The following AFF3 variants were observed in gnomAD, a reference collection of about 807,000 sequenced individuals.
The protein encoded by AFF3 is ALF transcription elongation factor 3.
Under a neutral mutation model 129.7 loss-of-function variants are expected in AFF3, and 32 were observed. The observed-to-expected ratio is 0.25, with a 90% CI of 0.19 to 0.33. The LOEUF (loss-of-function observed/expected upper bound fraction) is 0.33, where lower values mean the gene tolerates loss of function less well. Ranked by LOEUF, AFF3 falls within the 10% of genes least tolerant of loss-of-function variation. The pLI, the probability that AFF3 is intolerant of heterozygous loss-of-function variation, is 1.00. For missense variants in AFF3, 1,373 were observed against 1,592.0 expected (o/e 0.86, Z 2.34); for synonymous variants, 644 against 635.4 (o/e 1.01, Z -0.20).
chr2:99,658,198 G>A (rs558808478), intron 12 of AFF3, among the ~76,000 whole-genome samples: 2 of 152,308 alleles, frequency 1.3e-5, no homozygotes, highest in East Asian at 3.9e-4. Flanking sequence ...AGGCTCTATG[G>A]AGGGCATAGA....
At chr2:99,696,814 T>A (rs908445164) in intron 11 of AFF3, among the ~76,000 whole-genome samples, 2 of 152,098 alleles carry the variant, frequency 1.3e-5, no homozygotes, top group African/African-American at 4.8e-5. Context: ...CAGCTAATTT[T>A]AAAATTTTTT....
intron 7 of AFF3, among the ~76,000 whole-genome samples, chr2:99,844,387 G>A (rs148283784): frequency 4.7e-5 from 7 of 147,758 alleles, no homozygotes; most frequent in Non-Finnish European, 1.0e-4. Context: ...TAACCAATGC[G>A]TAATTTCTCC....
chr2:99,667,299 G>A (rs1421660775), intron 12 of AFF3, among the ~76,000 whole-genome samples: 2 of 152,164 alleles, frequency 1.3e-5, no homozygotes, highest in Non-Finnish European at 2.9e-5. Flanking sequence ...ATGAGTCAAA[G>A]AAGTCTTACT....
chr2:99,558,767 GGT>G (rs1359426818), intron 22 of AFF3, 106 bp downstream of exon 22: 1 of 1,048,468 alleles, frequency 9.5e-7, no homozygotes, highest in African/African-American at 1.6e-5. Flanking sequence ...GGGGACCAGA[GGT>G]GACCTGCATT....
intron 7 of AFF3, among the ~76,000 whole-genome samples, chr2:99,980,981 T>C (rs564880624): frequency 7.2e-5 from 11 of 152,334 alleles, no homozygotes; most frequent in Admixed American, 5.9e-4. Context: ...AAAATTTTCT[T>C]ATGACATTAA....
intron 8 of AFF3, among the ~76,000 whole-genome samples, chr2:99,776,295 TA>T (rs557427295): frequency 2.0e-5 from 3 of 151,836 alleles, no homozygotes; most frequent in Non-Finnish European, 4.4e-5. Context: ...CACAGAAGAG[TA>T]GGGGTCAGTT....
chr2:99,992,428 G>A (rs558362270), intron 7 of AFF3, among the ~76,000 whole-genome samples: 217 of 152,234 alleles, frequency 1.4e-3, no homozygotes, highest in Admixed American at 5.4e-3. Context: ...ATCCAAAGAC[G>A]TTTTCATATC....
chr2:99,606,892 C>T (rs995325400), intron 13 of AFF3, among the ~76,000 whole-genome samples: 17 of 116,420 alleles, frequency 1.5e-4, no homozygotes, highest in South Asian at 2.8e-4. Flanking sequence ...CCAGCCTGGG[C>T]GACAGAGCAA....
intron 8 of AFF3, among the ~76,000 whole-genome samples, chr2:99,768,723 T>C (rs1376431981): frequency 2.0e-5 from 3 of 152,224 alleles, no homozygotes; most frequent in Non-Finnish European, 4.4e-5. Flanking sequence ...CTTAGAAAGT[T>C]TTAATTTCTT....
intron 4 of AFF3, among the ~76,000 whole-genome samples, chr2:100,025,424 C>T (rs1178600574): frequency 6.6e-6 from 1 of 152,140 alleles, no homozygotes; most frequent in Non-Finnish European, 1.5e-5. Context: ...GGAAACACAT[C>T]CCATGCTCAT....
intron 7 of AFF3, among the ~76,000 whole-genome samples, chr2:99,867,494 T>C (rs1421745023): frequency 6.7e-6 from 1 of 150,210 alleles, no homozygotes; most frequent in East Asian, 2.0e-4. Flanking sequence ...AGGAATAACT[T>C]CCTAGTATCA....
At chr2:99,833,142 G>A (rs1042580738) in intron 8 of AFF3, among the ~76,000 whole-genome samples, 2 of 152,128 alleles carry the variant, frequency 1.3e-5, no homozygotes, top group African/African-American at 2.4e-5. Flanking sequence ...CCCACCATCC[G>A]GGGTCTGTAC....
At chr2:99,990,991 C>T (rs1315135611) in intron 7 of AFF3, among the ~76,000 whole-genome samples, 2 of 152,056 alleles carry the variant, frequency 1.3e-5, no homozygotes, top group East Asian at 1.9e-4. Context: ...GTGGTGTGTA[C>T]CAGAACCACA....
intron 14 of AFF3, among the ~76,000 whole-genome samples, chr2:99,599,533 G>C (rs1047406008): frequency 4.6e-5 from 7 of 152,206 alleles, no homozygotes; most frequent in African/African-American, 1.4e-4. Context: ...TGGGATTACA[G>C]GCATGAGCCA....
chr2:99,582,595 C>T (rs1325386336), intron 17 of AFF3, among the ~76,000 whole-genome samples: 1 of 152,214 alleles, frequency 6.6e-6, no homozygotes, highest in Admixed American at 6.5e-5. Flanking sequence ...GGTTAGAACT[C>T]TCCCTCAGGG....
chr2:100,001,925 G>A (rs1282110801), intron 7 of AFF3, among the ~76,000 whole-genome samples: 6 of 152,230 alleles, frequency 3.9e-5, no homozygotes, highest in Admixed American at 6.5e-5. Context: ...GGCACTCCAC[G>A]TTCTAAGCGG....
rs1436049624 is a variant in AFF3, at chr2:99,750,552, G to A, written c.1002+1669C>T. Among the ~76,000 whole-genome samples, 3 of 151,880 alleles carry A rather than the reference G, an allele frequency of 2.0e-5. No individual in the cohort carries two copies. In the East Asian group the frequency reaches 5.8e-4, roughly 29 times the overall value. ...GCTACCTCAGCGTCCCAAGTAGCTG[G>A]GACTACAGGTGTGCCACCATGCCTG... On this transcript the variant is annotated intron_variant, in intron 9 of 24. Transcript: ENST00000672756.
chr2:99,727,276 A>G, intron 10 of AFF3, 148 bp from the exon 11 acceptor site: 3 of 828,446 alleles, frequency 3.6e-6, no homozygotes, highest in Non-Finnish European at 5.5e-6. Flanking sequence ...TTGTCTGAGA[A>G]CCGGATTTGC....
At chr2:99,873,028 A>G (rs1407012974) in intron 7 of AFF3, among the ~76,000 whole-genome samples, 2 of 152,246 alleles carry the variant, frequency 1.3e-5, no homozygotes, top group East Asian at 3.8e-4. Context: ...TTTGAAAATC[A>G]TAGTCTGTCT....
Sources: gnomAD v4.1 joint callset for allele counts (sites outside exome capture counted in the v4.1 genomes callset) on GRCh38, gnomAD v4.1.1 for gene constraint, MANE v1.5 for transcripts, NCBI Gene and HGNC (gene_info 2026-07-23, HGNC 2026-07-21) for gene names.